The following ARK2N variants were observed in gnomAD, a reference collection of about 807,000 sequenced individuals.
ARK2N encodes protein ARK2N.
At chr18:46,212,619 T>C in the ARK2N span, among the ~76,000 whole-genome samples, 3 of 152,186 alleles carry the variant, frequency 2.0e-5, no homozygotes, top group African/African-American at 7.2e-5. Flanking sequence ...GATTTGAGCA[T>C]ATTTAAGTGG....
chr18:46,255,432 T>C, the ARK2N span, among the ~76,000 whole-genome samples: 11 of 130,234 alleles, frequency 8.4e-5, no homozygotes, highest in African/African-American at 2.7e-4. Context: ...TTTCTTTGCT[T>C]TTCTTTTCTT....
the ARK2N span, among the ~76,000 whole-genome samples, chr18:46,213,694 A>AT: frequency 1.3e-5 from 2 of 151,734 alleles, no homozygotes; most frequent in Non-Finnish European, 2.9e-5. Flanking sequence ...TTTATTTTTT[A>AT]TTTATTTTAT....
the ARK2N span, among the ~76,000 whole-genome samples, chr18:46,200,230 A>G: frequency 6.6e-6 from 1 of 152,174 alleles, no homozygotes; most frequent in African/African-American, 2.4e-5. Context: ...GTTTATGGAA[A>G]CTGGGAGTCA....
chr18:46,190,617 TTACCTACATC>T, the ARK2N span, among the ~76,000 whole-genome samples: 1 of 152,024 alleles, frequency 6.6e-6, no homozygotes, highest in Non-Finnish European at 1.5e-5. Flanking sequence ...TGAAATGAAA[TTACCTACATC>T]TTTTAAAAAA....
chr18:46,192,883 C>CAAA, the ARK2N span, among the ~76,000 whole-genome samples: 11 of 139,470 alleles, frequency 7.9e-5, no homozygotes, highest in Non-Finnish European at 1.1e-4. Context: ...GAGACTGTCT[C>CAAA]AAAAAAAAAA....
chr18:46,189,434 G>A, the ARK2N span, among the ~76,000 whole-genome samples: 2 of 152,012 alleles, frequency 1.3e-5, no homozygotes, highest in Non-Finnish European at 2.9e-5. Flanking sequence ...TACTTTAAAG[G>A]AGTCTGTATT....
chr18:46,188,298 T>G, the ARK2N span, among the ~76,000 whole-genome samples: 2 of 152,112 alleles, frequency 1.3e-5, no homozygotes, highest in African/African-American at 4.8e-5. Context: ...CCTCCCGGGT[T>G]CAAGTGATTC....
chr18:46,262,870 G>T, the ARK2N span: 1 of 1,539,106 alleles, frequency 6.5e-7, no homozygotes, highest in Non-Finnish European at 9.0e-7. Context: ...AGGTCATATT[G>T]TCTTCTGTTT....
At chr18:46,229,663 C>G in the ARK2N span, among the ~76,000 whole-genome samples, 4 of 151,998 alleles carry the variant, frequency 2.6e-5, no homozygotes, top group Non-Finnish European at 4.4e-5. Flanking sequence ...ATTGCCCAGG[C>G]TGGAGTGCAG....
the ARK2N span, among the ~76,000 whole-genome samples, chr18:46,182,309 A>G: frequency 3.9e-5 from 6 of 152,316 alleles, no homozygotes; most frequent in African/African-American, 1.4e-4. Flanking sequence ...GTGAGCCTGA[A>G]GGTGTGTATA....
chr18:46,255,377 T>G, the ARK2N span, among the ~76,000 whole-genome samples: 30 of 152,060 alleles, frequency 2.0e-4, no homozygotes, highest in Non-Finnish European at 3.1e-4. Flanking sequence ...TAAGTATGCC[T>G]GTACGGCTGC....
the ARK2N span, chr18:46,216,672 C>T: frequency 1.2e-5 from 16 of 1,296,056 alleles, no homozygotes; most frequent in Non-Finnish European, 1.7e-5. The surrounding 1 kb of genome is among the most constrained non-coding windows in gnomAD (Gnocchi z 4.3). Context: ...AGATGAGTGA[C>T]ACTTGAAAAA....
At chr18:46,255,048 T>G in the ARK2N span, among the ~76,000 whole-genome samples, 2 of 152,254 alleles carry the variant, frequency 1.3e-5, no homozygotes, top group Non-Finnish European at 1.5e-5. Flanking sequence ...CTCTTTGATC[T>G]GATTTTACTC....
At chr18:46,204,547 T>C in the ARK2N span, among the ~76,000 whole-genome samples, 1 of 152,222 alleles carries the variant, frequency 6.6e-6, no homozygotes, top group Non-Finnish European at 1.5e-5. Context: ...TCATGAATTA[T>C]CTAATATTAA....
At chr18:46,176,473 T>A in the ARK2N span, among the ~76,000 whole-genome samples, 48 of 150,874 alleles carry the variant, frequency 3.2e-4, no homozygotes, top group African/African-American at 1.0e-3. Context: ...TTTTTTTTTT[T>A]AAAGACACTC....
chr18:46,230,193 G>A, the ARK2N span, among the ~76,000 whole-genome samples: 1 of 152,166 alleles, frequency 6.6e-6, no homozygotes, highest in East Asian at 1.9e-4. Flanking sequence ...CCAAAGTGCT[G>A]GGATTACAGG....
At chr18:46,174,101 C>T in the ARK2N span, 1 of 152,784 alleles carries the variant, frequency 6.5e-6, no homozygotes, top group Admixed American at 6.5e-5. Flanking sequence ...ACTGAAGGGA[C>T]TTGGTGGTAG....
chr18:46,219,518 G>T, the ARK2N span, among the ~76,000 whole-genome samples: 1 of 148,960 alleles, frequency 6.7e-6, no homozygotes. Flanking sequence ...TCACCAGGCT[G>T]GAGTGCAGTG....
the ARK2N span, among the ~76,000 whole-genome samples, chr18:46,205,817 G>A: frequency 1.4e-4 from 21 of 149,464 alleles, no homozygotes; most frequent in Middle Eastern, 3.7e-3. Flanking sequence ...CCTTGACCCC[G>A]TGGGCTCACA....
Sources: gnomAD v4.1 joint callset for allele counts (sites outside exome capture counted in the v4.1 genomes callset) on GRCh38, gnomAD v4.1.1 for gene constraint, Gnocchi (gnomAD v3.1) non-coding constraint, MANE v1.5 for transcripts, NCBI Gene and HGNC (gene_info 2026-07-23, HGNC 2026-07-21) for gene names.